Variants in GRID2 observed in about 807,000 individuals in gnomAD.
GRID2 encodes glutamate ionotropic receptor delta type subunit 2.
Under a neutral mutation model 114.8 loss-of-function variants are expected in GRID2, and 33 were observed. That is an observed-to-expected ratio of 0.29 (90% CI 0.22 to 0.38). The LOEUF (loss-of-function observed/expected upper bound fraction) is 0.38. Among genes scored for constraint, GRID2 ranks in the 10% least tolerant of loss-of-function variants. The pLI is 1.00. For missense variants in GRID2, 1,184 were observed against 1,257.7 expected (o/e 0.94, Z 0.89); for synonymous variants, 505 against 449.9 (o/e 1.12, Z -1.55).
At chr4:93,346,698 A>C (rs1243151725) in intron 8 of GRID2, among the ~76,000 whole-genome samples, 2 of 152,126 alleles carry the variant, frequency 1.3e-5, no homozygotes, top group Non-Finnish European at 2.9e-5. Flanking sequence ...TGCCACATTC[A>C]ATGTTGCATT....
chr4:92,747,886 A>G (rs1256160401), intron 2 of GRID2, among the ~76,000 whole-genome samples: 2 of 152,276 alleles, frequency 1.3e-5, no homozygotes, highest in East Asian at 3.9e-4. Flanking sequence ...GACTCCTGAG[A>G]CATAGCTGTT....
chr4:93,411,213 T>G (rs1358505035), intron 9 of GRID2, among the ~76,000 whole-genome samples: 1 of 152,180 alleles, frequency 6.6e-6, no homozygotes, highest in Non-Finnish European at 1.5e-5. Context: ...ATCTATAAAA[T>G]TTGAGGTAAT....
rs570453116 is a variant in GRID2 at position 92,679,999 on chromosome 4, G to A, written c.244+89713G>A. Among the ~76,000 whole-genome samples the A allele has an allele frequency of 1.8e-4, 28 of 152,018 alleles. 1 individual carries two copies. In the South Asian group the frequency reaches 3.9e-3, roughly 21 times the overall value. On this transcript the variant is annotated intron_variant, in intron 2 of 15. Coordinates refer to ENST00000282020, the MANE Select transcript of GRID2 (RefSeq NM_001510.4). Reference sequence around the variant, plus strand: ...GTATTTGATATTTATATAGCTCTGTGAGTGACTCAATTCAACTTTCCTGGC... The same window carrying A: ...GTATTTGATATTTATATAGCTCTGTAAGTGACTCAATTCAACTTTCCTGGC...
At chr4:92,921,416 A>T (rs1395306592) in intron 2 of GRID2, among the ~76,000 whole-genome samples, 1 of 152,126 alleles carries the variant, frequency 6.6e-6, no homozygotes, top group African/African-American at 2.4e-5. Context: ...TTGAAGGAGG[A>T]GAGGCGCTCT....
At chr4:93,008,158 C>T (rs1035649488) in intron 2 of GRID2, among the ~76,000 whole-genome samples, 1 of 151,750 alleles carries the variant, frequency 6.6e-6, no homozygotes, top group Non-Finnish European at 1.5e-5. Flanking sequence ...TTTGTAAAAT[C>T]TTAACTTTCT....
chr4:93,488,483 A>G (rs995374840), intron 11 of GRID2, among the ~76,000 whole-genome samples: 2 of 151,970 alleles, frequency 1.3e-5, no homozygotes, highest in Non-Finnish European at 2.9e-5. Context: ...TAATTAAAAT[A>G]TGCCTGATAT....
chr4:92,586,602 C>T (rs1728463637), intron 1 of GRID2, among the ~76,000 whole-genome samples: 1 of 151,704 alleles, frequency 6.6e-6, no homozygotes, highest in African/African-American at 2.4e-5. Context: ...AAGGGCATAC[C>T]TGCATTAATA....
rs1329525786 is a variant in GRID2 at position 92,590,122 on chromosome 4, T to C, written c.89-9T>C. ...TTATTATTTAATGGCAAAATTCACTTCTTTCTAGGAGCAATTTTTGATGAA... is the reference window on the plus strand; with the variant it reads ...TTATTATTTAATGGCAAAATTCACTCCTTTCTAGGAGCAATTTTTGATGAA... On this transcript the variant is annotated splice_polypyrimidine_tract_variant and intron_variant, in intron 1 of 15. Transcript: ENST00000282020. 6.3e-7 allele frequency: 1 copy of C among 1,598,704 alleles called. No homozygotes were observed. The highest frequency in any genetic ancestry group is 1.7e-5 in the Admixed American group (1 of 59,818).
intron 7 of GRID2, among the ~76,000 whole-genome samples, chr4:93,229,881 ATT>A (rs1745913163): frequency 6.6e-6 from 1 of 152,038 alleles, no homozygotes; most frequent in Admixed American, 6.6e-5. Flanking sequence ...CCTCATTTTC[ATT>A]CTTTTTTTAA....
intron 3 of GRID2, among the ~76,000 whole-genome samples, chr4:93,095,826 T>C (rs1731171174): frequency 6.6e-6 from 1 of 152,220 alleles, no homozygotes; most frequent in Admixed American, 6.6e-5. Context: ...TTTTCATAAA[T>C]TGATTTATAG....
Position 93,233,046 on chromosome 4 carries a change from G to C in GRID2, c.1126-5325G>C, listed in dbSNP as rs186503025. 3.7e-3 allele frequency among the ~76,000 whole-genome samples: 565 copies of C among 152,250 alleles called. 7 individuals carry two copies. The highest frequency in any genetic ancestry group is 0.014 in the Middle Eastern group (4 of 294). ...CTGAGAGTGATAGATAAGTGGAAAC[G>C]TTTAGGCTAAGTATGCATTAGCCAA... On this transcript the variant is annotated intron_variant, in intron 7 of 15. Coordinates refer to ENST00000282020, the MANE Select transcript of GRID2 (RefSeq NM_001510.4).
At chr4:92,514,196 A>C (rs1245996363) in intron 1 of GRID2, among the ~76,000 whole-genome samples, 1 of 151,884 alleles carries the variant, frequency 6.6e-6, no homozygotes, top group Non-Finnish European at 1.5e-5. Flanking sequence ...TATATTATTG[A>C]TCCACATATT....
intron 8 of GRID2, among the ~76,000 whole-genome samples, chr4:93,320,888 TTTCCCTAGAAG>T (rs1225749238): frequency 2.0e-5 from 3 of 152,044 alleles, no homozygotes; most frequent in African/African-American, 7.2e-5. Flanking sequence ...CCAAGTTTGA[TTTCCCTAGAAG>T]CAGACTCTGA....
intron 2 of GRID2, among the ~76,000 whole-genome samples, chr4:92,753,890 G>C (rs541758662): frequency 6.6e-6 from 1 of 151,826 alleles, no homozygotes; most frequent in Non-Finnish European, 1.5e-5. Context: ...TTAAAAGGAG[G>C]GTTTTTCCAT....
intron 2 of GRID2, among the ~76,000 whole-genome samples, chr4:92,609,177 C>G (rs1027583774): frequency 4.6e-5 from 7 of 151,634 alleles, no homozygotes; most frequent in Non-Finnish European, 1.0e-4. Flanking sequence ...CTTAGTGTAT[C>G]CCCAATATTT....
At chr4:93,611,591 G>A (rs2149663687) in intron 13 of GRID2, among the ~76,000 whole-genome samples, 1 of 140,658 alleles carries the variant, frequency 7.1e-6, no homozygotes, top group African/African-American at 3.0e-5. Context: ...TCATTCAGGA[G>A]CAGGTTGTTC....
intron 2 of GRID2, among the ~76,000 whole-genome samples, chr4:92,929,336 A>G (rs899685705): frequency 6.6e-6 from 1 of 151,400 alleles, no homozygotes; most frequent in African/African-American, 2.4e-5. Flanking sequence ...TACATTCATA[A>G]TTTTGTTTCT....
At chr4:93,504,544 C>G (rs753439224) in intron 12 of GRID2, among the ~76,000 whole-genome samples, 1 of 151,744 alleles carries the variant, frequency 6.6e-6, no homozygotes, top group Non-Finnish European at 1.5e-5. Flanking sequence ...ATTAGAAGTA[C>G]GATGAAGTTT....
intron 1 of GRID2, 74 bp downstream of exon 1, chr4:92,304,818 C>A: frequency 1.9e-6 from 2 of 1,044,112 alleles, no homozygotes; most frequent in South Asian, 1.3e-5. Flanking sequence ...TCGCTTTCCC[C>A]CTCTCCGGTC....
Sources: gnomAD v4.1 joint callset for allele counts (sites outside exome capture counted in the v4.1 genomes callset) on GRCh38, gnomAD v4.1.1 for gene constraint, MANE v1.5 for transcripts, NCBI Gene and HGNC (gene_info 2026-07-23, HGNC 2026-07-21) for gene names.